The following SSBP1 variants were observed in gnomAD, a reference collection of about 807,000 sequenced individuals.
SSBP1 encodes single stranded DNA binding protein 1, also known as single-stranded DNA-binding protein, mitochondrial.
Under a neutral mutation model 27.0 loss-of-function variants are expected in SSBP1, and 20 were observed. That is an observed-to-expected ratio of 0.74 (90% confidence interval 0.52 to 1.08). SSBP1 has a LOEUF of 1.08. Ranked by LOEUF, SSBP1 falls within the 50% of genes least tolerant of loss-of-function variation. SSBP1 has a pLI of 0.00. For synonymous variants in SSBP1, 59 were observed against 59.3 expected, an observed-to-expected ratio of 1.00 and a Z score of 0.02; for missense variants, 137 against 182.4, an observed-to-expected ratio of 0.75 and a Z score of 1.44.
intron 6 of SSBP1, among the ~76,000 whole-genome samples, chr7:141,748,095 G>A (rs147177831): frequency 8.7e-4 from 129 of 149,094 alleles, no homozygotes; most frequent in Middle Eastern, 3.5e-3. Context: ...CTACCATTTC[G>A]CTTCAGTGTC....
intron 6 of SSBP1, among the ~76,000 whole-genome samples, chr7:141,748,009 A>T (rs1253518318): frequency 6.6e-6 from 1 of 151,066 alleles, no homozygotes; most frequent in Non-Finnish European, 1.5e-5. Context: ...AAAAAAAAAA[A>T]AAAAAAAATT....
chr7:141,743,371 A>AG (rs1799639118), intron 3 of SSBP1, among the ~76,000 whole-genome samples, 190 bp from the exon 4 acceptor site: 1 of 152,196 alleles, frequency 6.6e-6, no homozygotes, highest in African/African-American at 2.4e-5. Flanking sequence ...GAAAGTTCTG[A>AG]ACTCTTCCTG....
At chr7:141,747,185 C>A (rs1276986810) in intron 6 of SSBP1, among the ~76,000 whole-genome samples, 1 of 151,964 alleles carries the variant, frequency 6.6e-6, no homozygotes, top group Non-Finnish European at 1.5e-5. Flanking sequence ...GGAAATATGT[C>A]TTTAAATGAG....
At chr7:141,748,195 T>C (rs1298391631) in intron 6 of SSBP1, among the ~76,000 whole-genome samples, 1 of 152,070 alleles carries the variant, frequency 6.6e-6, no homozygotes, top group Non-Finnish European at 1.5e-5. Context: ...AGTTTATTCA[T>C]AAATTTCCAT....
intron 3 of SSBP1, among the ~76,000 whole-genome samples, chr7:141,743,076 C>T (rs542144253): frequency 6.6e-6 from 1 of 152,042 alleles, no homozygotes; most frequent in Non-Finnish European, 1.5e-5. Flanking sequence ...CATGGTCTCT[C>T]TCTCCTGACC....
chr7:141,739,120 T>C lies in SSBP1; in HGVS notation c.-43-4T>C. 1 of 1,549,566 alleles carries C rather than the reference T, an allele frequency of 6.5e-7. No individual in the cohort carries two copies. The highest frequency in any genetic ancestry group is 8.7e-7 in the Non-Finnish European group (1 of 1,151,064). ...TTTTTTCTTATTTTGTTTTTTTCCT[T>C]CAGGAAAAGCCTAAAGATTAGACTG... On this transcript the variant is annotated splice_region_variant and splice_polypyrimidine_tract_variant and intron_variant, in intron 1 of 6. Coordinates refer to ENST00000265304, the MANE Select transcript of SSBP1 (RefSeq NM_003143.3).
chr7:141,739,010 T>G (rs1344970761), intron 1 of SSBP1, 114 bp from the exon 2 acceptor site: 1 of 540,890 alleles, frequency 1.8e-6, no homozygotes, highest in Non-Finnish European at 3.2e-6. Context: ...TACGTTGTGG[T>G]CACAAAATTG....
chr7:141,743,516 A>G (rs1305200629), intron 3 of SSBP1, 45 bp from the exon 4 acceptor site: 1 of 1,596,712 alleles, frequency 6.3e-7, no homozygotes, highest in South Asian at 1.1e-5. Flanking sequence ...ACAACTATTC[A>G]GTCTATAGCA....
At chr7:141,742,355 C>T (rs1799572262) in intron 3 of SSBP1, 126 bp downstream of exon 3, 1 of 663,786 alleles carries the variant, frequency 1.5e-6, no homozygotes, top group Admixed American at 2.2e-5. Context: ...CATGTTTGCT[C>T]TTCAGATCTT....
At position 141,743,674 on chromosome 7, in the gene SSBP1, T is replaced by A; in HGVS notation, c.199T>A (p.Ser67Thr). Residue 67 changes from serine to threonine, a missense_variant, in exon 4 of 7, where the codon TCA (serine) becomes ACA (threonine). Physicochemically the swap from Ser to Thr is moderately conservative, Grantham distance 58. Coordinates refer to ENST00000265304, the MANE Select transcript of SSBP1 (RefSeq NM_003143.3). ...TCTAGCAACTAATGAGATGTGGCGA[T>A]CAGGGGATAGTGAAGTTTACCAACT... ...FSLATNEMWR[S>T]GDSEVYQLGD... is the part of the protein sequence containing the mutation. 6.2e-7 allele frequency: 1 copy of A among 1,614,182 alleles called. No homozygotes were observed. The highest frequency in any genetic ancestry group is 1.1e-5 in the South Asian group (1 of 91,088).
intron 5 of SSBP1, among the ~76,000 whole-genome samples, 187 bp downstream of exon 5, chr7:141,744,176 A>C (rs1799677501): frequency 6.6e-6 from 1 of 152,232 alleles, no homozygotes; most frequent in African/African-American, 2.4e-5. Flanking sequence ...GACTAATTTG[A>C]AGATATATAA....
At chr7:141,738,725 T>C (rs758799475) in intron 1 of SSBP1, 1 of 155,152 alleles carries the variant, frequency 6.4e-6, no homozygotes, top group Non-Finnish European at 1.4e-5. Context: ...CCCTTGGTGA[T>C]GCTAATATTT....
chr7:141,746,855 A>G (rs1351674533), intron 6 of SSBP1, among the ~76,000 whole-genome samples: 1 of 152,216 alleles, frequency 6.6e-6, no homozygotes, highest in Admixed American at 6.5e-5. Context: ...TAAATGTATC[A>G]ATGGAATCTA....
At chr7:141,749,763 C>T (rs1799900803) in intron 6 of SSBP1, among the ~76,000 whole-genome samples, 1 of 152,152 alleles carries the variant, frequency 6.6e-6, no homozygotes, top group South Asian at 2.1e-4. Context: ...GCCTGGGTGA[C>T]AGAGACTCCA....
At chr7:141,738,355 C>T (rs1176079621), upstream of SSBP1, 1 of 152,300 alleles carries the variant, frequency 6.6e-6, no homozygotes, top group Non-Finnish European at 1.5e-5. Context: ...CTTTGCGTTC[C>T]CTGTGCGCCG....
At position 141,743,618 on chromosome 7, in the gene SSBP1, T is replaced by C. The variant is rs1462834410; in HGVS notation, c.143T>C (p.Val48Ala). 1 of 1,614,036 alleles carries C rather than the reference T, an allele frequency of 6.2e-7. No homozygotes were observed. The highest frequency in any genetic ancestry group is 8.5e-7 in the Non-Finnish European group (1 of 1,179,996). The change falls in exon 4 of 7, where the codon GTG becomes GCG. Residue 48 changes from valine to alanine, a missense_variant. This residue lies in a region of SSBP1 where 95 missense variants were observed against 152.0 expected (regional missense o/e 0.62). Coordinates refer to ENST00000265304, the MANE Select transcript of SSBP1 (RefSeq NM_003143.3). ...RVGQDPVLRQVEGKNPVTIFS... is the reference protein window; with the variant it reads ...RVGQDPVLRQAEGKNPVTIFS... The stretch of plus-strand genomic sequence containing the variant: ...GGTCAGGACCCTGTCTTGAGACAGG[T>C]GGAAGGAAAAAATCCAGTCACAATA...
Position 141,743,710 on chromosome 7 carries a change from A to G in SSBP1, c.226+9A>G, listed in dbSNP as rs1366724492. 2.5e-6 allele frequency: 4 copies of G among 1,612,948 alleles called. No homozygotes were observed. Among genetic ancestry groups the G allele is most frequent in the Non-Finnish European group, 1.7e-6 (2 of 1,179,552 alleles). The stretch of plus-strand genomic sequence containing the variant: ...TGAAGTTTACCAACTGGGTGAGTAC[A>G]AAAGACTGGGGTTTTAATTTTATCA... On this transcript the variant is annotated intron_variant, in intron 4 of 6. Coordinates refer to ENST00000265304, the MANE Select transcript of SSBP1 (RefSeq NM_003143.3).
intron 6 of SSBP1, among the ~76,000 whole-genome samples, chr7:141,749,304 T>C (rs879297780): frequency 6.6e-6 from 1 of 152,200 alleles, no homozygotes; most frequent in Admixed American, 6.5e-5. Context: ...TTGGTATCTA[T>C]AGGGGTCCTG....
At chr7:141,745,358 C>A in intron 5 of SSBP1, 138 bp from the exon 6 acceptor site, 1 of 621,836 alleles carries the variant, frequency 1.6e-6, no homozygotes, top group Non-Finnish European at 2.6e-6. Flanking sequence ...AATCCTGAAC[C>A]TTGAGAAGTG....
Sources: allele counts gnomAD v4.1 joint callset (sites outside exome capture counted in the v4.1 genomes callset), GRCh38; gene constraint gnomAD v4.1.1; regional missense constraint gnomAD v4.1.1; transcripts MANE v1.5; gene names NCBI Gene and HGNC (gene_info 2026-07-23, HGNC 2026-07-21).